The following HDGFL3 variants were observed in gnomAD, a reference collection of about 807,000 sequenced individuals.
HDGFL3 encodes HDGF like 3, also known as hepatoma-derived growth factor-related protein 3.
Under a neutral mutation model 27.6 loss-of-function variants are expected in HDGFL3, and 6 were observed. The ratio of observed to expected loss-of-function variants is 0.22; its 90% CI spans 0.12 to 0.43. HDGFL3 has a LOEUF of 0.43. HDGFL3 is among the 20% of genes least tolerant of loss of function. The pLI is 1.00. For synonymous variants in HDGFL3, 88 were observed against 88.9 expected (o/e 0.99, Z 0.05); for missense variants, 207 against 250.1 (o/e 0.83, Z 1.16).
chr15:83,182,027 C>T (rs2037387680), intron 1 of HDGFL3, among the ~76,000 whole-genome samples: 2 of 152,046 alleles, frequency 1.3e-5, no homozygotes, highest in South Asian at 4.1e-4. Flanking sequence ...ATGCATATAC[C>T]TATATAACAA....
chr15:83,165,538 A>G (rs2037159061), intron 1 of HDGFL3, among the ~76,000 whole-genome samples: 1 of 152,094 alleles, frequency 6.6e-6, no homozygotes, highest in Admixed American at 6.6e-5. Flanking sequence ...TTATCAACTG[A>G]CTTCTCTGAA....
At position 83,207,257 on chromosome 15, in the gene HDGFL3, G is replaced by T; in HGVS notation, c.84+74C>A. The T allele has an allele frequency of 1.9e-6, 2 of 1,075,382 alleles. No individual in the cohort carries two copies. Among genetic ancestry groups the T allele is most frequent in the South Asian group, 5.3e-5 (2 of 37,420 alleles). 66.6% of individuals were successfully genotyped at this position (1,075,382 alleles called of 1,614,324 possible). The stretch of plus-strand genomic sequence containing the variant: ...GCGGGCTCGGGGCTGAGGCGATGGG[G>T]AAAGGGGGCGGGCGCGCCATCATGA... On this transcript the variant is annotated intron_variant, in intron 1 of 5. Transcript: ENST00000299633. This position sits in a 1 kb window ranked among gnomAD's most constrained non-coding sequence, Gnocchi z 4.8.
chr15:83,135,947 G>A lies in HDGFL3; in HGVS notation c.*3323C>T, dbSNP rs1357713273. On this transcript the variant is annotated 3_prime_UTR_variant, in exon 6 of 6. Coordinates refer to ENST00000299633, the MANE Select transcript of HDGFL3 (RefSeq NM_016073.4). Reference sequence around the variant, plus strand: ...AAAAACACATAGGGAAAGGGTATGAGCTCTTGCTGCAAGGAGTAGATGAAA... The same window carrying A: ...AAAAACACATAGGGAAAGGGTATGAACTCTTGCTGCAAGGAGTAGATGAAA... The A allele has an allele frequency of 1.3e-5, 2 of 152,212 alleles. No homozygotes were observed. The highest frequency in any genetic ancestry group is 4.8e-5 in the African/African-American group (2 of 41,442). The allele number at this position is 152,212 out of a possible 1,614,324, so 9.4% of individuals were successfully genotyped here.
chr15:83,124,205 A>G (rs1449498924), downstream of HDGFL3, among the ~76,000 whole-genome samples: 2 of 152,186 alleles, frequency 1.3e-5, no homozygotes, highest in Non-Finnish European at 2.9e-5. Context: ...AAGAACAAAT[A>G]CAGAATTGTT....
At chr15:83,141,370 A>G (rs1744490875) in intron 5 of HDGFL3, among the ~76,000 whole-genome samples, 1 of 152,214 alleles carries the variant, frequency 6.6e-6, no homozygotes. Context: ...CTATGAAACA[A>G]CAGAAGCCGT....
chr15:83,207,562 C>T lies in HDGFL3; in HGVS notation c.-148G>A. ...GCTCCGACGAGGGGAAGCGGCGAGG[C>T]GGCGGCTGAGGCAAGGGGTGGGCGG... On this transcript the variant is annotated 5_prime_UTR_variant, in exon 1 of 6. Coordinates refer to ENST00000299633, the MANE Select transcript of HDGFL3 (RefSeq NM_016073.4). The surrounding 1 kb of genome is among the most constrained non-coding windows in gnomAD (Gnocchi z 4.8). 2.0e-6 allele frequency: 1 copy of T among 508,976 alleles called. No homozygotes were observed. The highest frequency in any genetic ancestry group is 3.0e-6 in the Non-Finnish European group (1 of 336,546). 31.5% of individuals were successfully genotyped at this position (508,976 alleles called of 1,614,324 possible).
intron 1 of HDGFL3, among the ~76,000 whole-genome samples, chr15:83,175,231 T>C (rs1380210330): frequency 6.6e-6 from 1 of 152,146 alleles, no homozygotes; most frequent in African/African-American, 2.4e-5. Flanking sequence ...TTGTACCCCC[T>C]GGAACAAATA....
chr15:83,119,898 C>A (rs745647938), intron 3 of HDGFL3, among the ~76,000 whole-genome samples: 6 of 152,226 alleles, frequency 3.9e-5, no homozygotes, highest in Non-Finnish European at 8.8e-5. Context: ...ACAGCTCGGG[C>A]AGACCCTTTA....
At chr15:83,120,435 A>G (rs1596491524) in intron 3 of HDGFL3, among the ~76,000 whole-genome samples, 1 of 152,156 alleles carries the variant, frequency 6.6e-6, no homozygotes. Context: ...GGGTCTTTTC[A>G]AAACATTTCA....
intron 3 of HDGFL3, among the ~76,000 whole-genome samples, chr15:83,118,871 C>T (rs764725715): frequency 6.6e-6 from 1 of 152,090 alleles, no homozygotes; most frequent in Non-Finnish European, 1.5e-5. Context: ...AAATGTAGTT[C>T]GTCATATAAT....
intron 2 of HDGFL3, among the ~76,000 whole-genome samples, chr15:83,160,820 T>A (rs1394365150): frequency 6.6e-6 from 1 of 152,166 alleles, no homozygotes; most frequent in Non-Finnish European, 1.5e-5. Context: ...GTGCAGCTGA[T>A]CAAAAACTTC....
intron 4 of HDGFL3, among the ~76,000 whole-genome samples, chr15:83,155,936 C>G (rs2037023479): frequency 6.6e-6 from 1 of 152,128 alleles, no homozygotes; most frequent in Admixed American, 6.5e-5. Flanking sequence ...GAGTTCTTTC[C>G]ATTGTATTTC....
chr15:83,202,885 A>T (rs2037665782), intron 1 of HDGFL3, among the ~76,000 whole-genome samples: 1 of 152,072 alleles, frequency 6.6e-6, no homozygotes, highest in African/African-American at 2.4e-5. Flanking sequence ...AATATACTAC[A>T]AATTTGTTTA....
chr15:83,149,653 G>A (rs138334961), intron 5 of HDGFL3, among the ~76,000 whole-genome samples: 2 of 152,234 alleles, frequency 1.3e-5, no homozygotes, highest in Non-Finnish European at 2.9e-5. Context: ...TCAATGAAGT[G>A]GTCAAAGAAG....
chr15:83,119,795 A>G (rs2035052275), intron 3 of HDGFL3: 6 of 1,522,516 alleles, frequency 3.9e-6, no homozygotes, highest in South Asian at 2.5e-5. Context: ...GGACATGAAT[A>G]TAAGTTCCAT....
At chr15:83,145,872 T>TTC (rs796324546) in intron 5 of HDGFL3, among the ~76,000 whole-genome samples, 5 of 141,014 alleles carry the variant, frequency 3.5e-5, no homozygotes, top group South Asian at 2.2e-4. Flanking sequence ...TTTTTTTTTT[T>TTC]TCTCTCTCTC....
At chr15:83,204,780 TA>T (rs2037696661) in intron 1 of HDGFL3, among the ~76,000 whole-genome samples, 1 of 152,160 alleles carries the variant, frequency 6.6e-6, no homozygotes, top group Non-Finnish European at 1.5e-5. Context: ...TACAGACGAG[TA>T]AACAGAAACT....
intron 1 of HDGFL3, chr15:83,179,283 G>GT (rs1227119714): frequency 6.6e-6 from 1 of 152,332 alleles, no homozygotes; most frequent in Non-Finnish European, 1.5e-5. Flanking sequence ...ACTGCTGTCT[G>GT]TCTCATCTGT....
intron 3 of HDGFL3, among the ~76,000 whole-genome samples, chr15:83,121,593 T>C (rs2035249463): frequency 6.6e-6 from 1 of 152,196 alleles, no homozygotes; most frequent in African/African-American, 2.4e-5. Flanking sequence ...CTTTCAACTT[T>C]CTTTTTCCTT....
Sources: gnomAD v4.1 joint callset for allele counts (sites outside exome capture counted in the v4.1 genomes callset) on GRCh38, gnomAD v4.1.1 for gene constraint, Gnocchi (gnomAD v3.1) non-coding constraint, MANE v1.5 for transcripts, NCBI Gene and HGNC (gene_info 2026-07-23, HGNC 2026-07-21) for gene names.